The following HSD17B11 variants were observed in gnomAD, a reference collection of about 807,000 sequenced individuals.
HSD17B11 encodes the protein hydroxysteroid 17-beta dehydrogenase 11, also known as estradiol 17-beta-dehydrogenase 11.
HSD17B11 carries 22 observed loss-of-function variants against 27.8 expected under a neutral mutation model. The ratio of observed to expected loss-of-function variants is 0.79; its 90% CI spans 0.56 to 1.13. The LOEUF (loss-of-function observed/expected upper bound fraction) is 1.13, where lower values mean the gene tolerates loss of function less well. Among genes scored for constraint, HSD17B11 ranks in the 50% most tolerant of loss-of-function variants. HSD17B11 has a pLI of 0.00. For missense variants in HSD17B11, 314 were observed against 351.1 expected, an observed-to-expected ratio of 0.89 and a Z score of 0.84; for synonymous variants, 117 against 132.8, an observed-to-expected ratio of 0.88 and a Z score of 0.82.
chr4:87,381,422 C>T (rs1038931107), intron 2 of HSD17B11, among the ~76,000 whole-genome samples: 6 of 152,054 alleles, frequency 3.9e-5, no homozygotes, highest in Non-Finnish European at 8.8e-5. Flanking sequence ...CCATTATATA[C>T]AGCACATCTC....
At chr4:87,378,997 G>A (rs1720054233) in intron 2 of HSD17B11, among the ~76,000 whole-genome samples, 1 of 108,776 alleles carries the variant, frequency 9.2e-6, no homozygotes, top group African/African-American at 3.3e-5. Flanking sequence ...TTGCTCTGTT[G>A]TCCAGGCTGG....
chr4:87,381,958 A>C (rs1435282527), intron 2 of HSD17B11, among the ~76,000 whole-genome samples: 1 of 152,122 alleles, frequency 6.6e-6, no homozygotes, highest in Non-Finnish European at 1.5e-5. Context: ...CATGGGAGGC[A>C]GGGTGGATGT....
intron 2 of HSD17B11, among the ~76,000 whole-genome samples, chr4:87,379,985 C>A (rs1720094234): frequency 6.7e-6 from 1 of 148,294 alleles, no homozygotes; most frequent in African/African-American, 2.5e-5. Context: ...CAGGTATCTG[C>A]CTGTAATCCC....
chr4:87,384,950 G>A (rs928630785), intron 1 of HSD17B11, among the ~76,000 whole-genome samples: 1 of 151,960 alleles, frequency 6.6e-6, no homozygotes, highest in Non-Finnish European at 1.5e-5. Flanking sequence ...CACCCCCAGC[G>A]GCCCAGTTGT....
chr4:87,373,132 G>C (rs1735753512), intron 3 of HSD17B11: 1 of 227,114 alleles, frequency 4.4e-6, no homozygotes, highest in Non-Finnish European at 8.7e-6. Context: ...TTGAGGTCAG[G>C]AGTTCAAGAC....
rs752240460 is a variant in HSD17B11, at chr4:87,390,845, T to C, written c.210+16A>G. 3 of 1,608,274 alleles carry C rather than the reference T, an allele frequency of 1.9e-6. No homozygotes were observed. Among genetic ancestry groups the C allele is most frequent in the African/African-American group, 2.7e-5 (2 of 74,814 alleles). On this transcript the variant is annotated intron_variant, in intron 1 of 6. Transcript: ENST00000358290. ...ATTAAAGGTACCAGAAAGTAAAACA[T>C]AGTAAACACTGTTACCTTATTTATA...
rs920365695 is a variant in HSD17B11 at position 87,357,244 on chromosome 4, A to T, written c.695+35T>A. 1.9e-6 allele frequency: 3 copies of T among 1,602,272 alleles called. No individual in the cohort carries two copies. The East Asian group carries it at 6.8e-5, about 36-fold the overall frequency. On this transcript the variant is annotated intron_variant, in intron 5 of 6. Transcript: ENST00000358290. ...CACAGAATGGCTGGTATTCATAGCA[A>T]CCACCAATCCTTTTGTCTCAATTTC... is the stretch of plus-strand genomic sequence containing the variant.
At chr4:87,378,808 TATAA>T (rs1290297832) in intron 2 of HSD17B11, among the ~76,000 whole-genome samples, 3 of 111,324 alleles carry the variant, frequency 2.7e-5, no homozygotes, top group Middle Eastern at 3.9e-3. Flanking sequence ...TATATATATA[TATAA>T]ATATAAAATA....
At chr4:87,385,743 G>A (rs1470921841) in intron 1 of HSD17B11, 2 of 151,870 alleles carry the variant, frequency 1.3e-5, no homozygotes, top group Non-Finnish European at 2.9e-5. Context: ...GTGAAACCCT[G>A]CCTCTACTAA....
chr4:87,375,347 T>C (rs757542947), intron 2 of HSD17B11, among the ~76,000 whole-genome samples: 2 of 152,256 alleles, frequency 1.3e-5, no homozygotes, highest in African/African-American at 4.8e-5. Context: ...AAATTTTCTT[T>C]TGCAATTTAG....
chr4:87,342,794 T>C (rs73841142), intron 5 of HSD17B11, among the ~76,000 whole-genome samples: 8,298 of 152,186 alleles, frequency 0.055, 725 homozygotes, highest in African/African-American at 0.19. Context: ...AGCAATAGTA[T>C]TACATATGAA....
At chr4:87,381,120 G>A (rs1334285126) in intron 2 of HSD17B11, among the ~76,000 whole-genome samples, 1 of 148,792 alleles carries the variant, frequency 6.7e-6, no homozygotes, top group Non-Finnish European at 1.5e-5. Context: ...CCGGGAGGTG[G>A]AGCTTGCAGT....
chr4:87,378,944 ATATTTATATATATATAT>A (rs1560769631), intron 2 of HSD17B11, among the ~76,000 whole-genome samples: 195 of 19,386 alleles, frequency 0.01, 24 homozygotes, highest in African/African-American at 0.036. Flanking sequence ...ATATATATAT[ATATTTATATATATATAT>A]TTTTTTTTTT....
At chr4:87,380,470 C>CAAAAAAAAAA (rs759061081) in intron 2 of HSD17B11, among the ~76,000 whole-genome samples, 1 of 39,076 alleles carries the variant, frequency 2.6e-5, no homozygotes, top group Non-Finnish European at 5.2e-5. Context: ...AAGACTGTCT[C>CAAAAAAAAAA]AAAAAAAAAA....
chr4:87,346,839 G>A (rs969679557), intron 5 of HSD17B11, among the ~76,000 whole-genome samples: 2 of 151,908 alleles, frequency 1.3e-5, no homozygotes, highest in Non-Finnish European at 2.9e-5. Flanking sequence ...AGATCAGCCT[G>A]GGGAACAAAG....
chr4:87,338,474 A>G (rs1456509296), intron 6 of HSD17B11, among the ~76,000 whole-genome samples: 1 of 152,238 alleles, frequency 6.6e-6, no homozygotes, highest in Non-Finnish European at 1.5e-5. Flanking sequence ...TAATAGTAGT[A>G]GTTATAATAA....
intron 4 of HSD17B11, among the ~76,000 whole-genome samples, chr4:87,368,039 T>C (rs1405758606): frequency 6.6e-6 from 1 of 152,120 alleles, no homozygotes; most frequent in East Asian, 1.9e-4. Flanking sequence ...AAGAGTCGGC[T>C]AGGCACGGTG....
At chr4:87,374,882 G>A in intron 2 of HSD17B11, 52 bp from the exon 3 acceptor site, 1 of 1,334,568 alleles carries the variant, frequency 7.5e-7, no homozygotes, top group South Asian at 1.3e-5. Context: ...ATGAGGGTAA[G>A]TTTATACACA....
At chr4:87,383,924 T>C (rs1436716468) in intron 1 of HSD17B11, among the ~76,000 whole-genome samples, 1 of 152,108 alleles carries the variant, frequency 6.6e-6, no homozygotes, top group Non-Finnish European at 1.5e-5. Context: ...TGTCAACTAA[T>C]GCACTAATGG....
Sources: gnomAD v4.1 joint callset for allele counts (sites outside exome capture counted in the v4.1 genomes callset) on GRCh38, gnomAD v4.1.1 for gene constraint, MANE v1.5 for transcripts, NCBI Gene and HGNC (gene_info 2026-07-23, HGNC 2026-07-21) for gene names.